The following ZNF804A variants were observed in gnomAD, a reference collection of about 807,000 sequenced individuals.
The protein encoded by ZNF804A is zinc finger protein 804A.
Under a neutral mutation model 16.5 loss-of-function variants are expected in ZNF804A, and 2 were observed. That is an observed-to-expected ratio of 0.12 (90% CI 0.05 to 0.38). ZNF804A has a LOEUF of 0.38. ZNF804A is among the 10% of genes least tolerant of loss of function. The probability of loss-of-function intolerance (pLI) is 0.99; values close to 1 mark genes in which losing one functional copy is unlikely to be tolerated. For synonymous variants in ZNF804A, 534 were observed against 489.6 expected, an observed-to-expected ratio of 1.09 and a Z score of -1.20; for missense variants, 1,473 against 1,390.7, an observed-to-expected ratio of 1.06 and a Z score of -0.94.
At chr2:184,634,151 G>T (rs1691657159) in intron 1 of ZNF804A, among the ~76,000 whole-genome samples, 2 of 152,224 alleles carry the variant, frequency 1.3e-5, no homozygotes, top group South Asian at 4.1e-4. Flanking sequence ...ATTGCTTACA[G>T]AATCACATAG....
chr2:184,604,891 AAT>A (rs1691117509), intron 1 of ZNF804A, among the ~76,000 whole-genome samples: 1 of 152,196 alleles, frequency 6.6e-6, no homozygotes, highest in South Asian at 2.1e-4. Context: ...CATAATAAGA[AAT>A]ATACAGGGAT....
intron 1 of ZNF804A, among the ~76,000 whole-genome samples, chr2:184,646,199 G>A (rs949839971): frequency 1.3e-5 from 2 of 152,172 alleles, no homozygotes; most frequent in Non-Finnish European, 2.9e-5. Context: ...ATCTGGAGTG[G>A]GGTAAGGGCT....
chr2:184,708,316 C>CA (rs1469294930), intron 1 of ZNF804A, among the ~76,000 whole-genome samples: 2 of 151,482 alleles, frequency 1.3e-5, no homozygotes, highest in South Asian at 2.1e-4. Flanking sequence ...CTTTTTAGGA[C>CA]AAAAAAAGAG....
intron 1 of ZNF804A, among the ~76,000 whole-genome samples, chr2:184,797,714 T>C (rs943540130): frequency 3.9e-5 from 6 of 152,174 alleles, no homozygotes; most frequent in Admixed American, 2.6e-4. Flanking sequence ...TGAGGTACTG[T>C]TGCATTCATC....
chr2:184,933,987 T>C lies in ZNF804A; in HGVS notation c.386+254T>C, dbSNP rs535885055. On this transcript the variant is annotated intron_variant, in intron 3 of 3. Transcript: ENST00000302277. The stretch of plus-strand genomic sequence containing the variant: ...TAAAAAATAAACTTTATGTTATTAT[T>C]TAAGTTATCTTAGTTGAAAGCTACC... 4.6e-5 allele frequency among the ~76,000 whole-genome samples: 7 copies of C among 152,246 alleles called. No individual in the cohort carries two copies. In the East Asian group the frequency reaches 1.4e-3, roughly 29 times the overall value.
At chr2:184,667,856 G>T (rs1006377554) in intron 1 of ZNF804A, among the ~76,000 whole-genome samples, 6 of 151,706 alleles carry the variant, frequency 4.0e-5, no homozygotes, top group Non-Finnish European at 7.4e-5. Flanking sequence ...ATCATATAAT[G>T]TATCTAACCA....
At chr2:184,832,724 C>T (rs1375507620) in intron 1 of ZNF804A, among the ~76,000 whole-genome samples, 1 of 151,840 alleles carries the variant, frequency 6.6e-6, no homozygotes, top group East Asian at 1.9e-4. Context: ...AATGCTCTTA[C>T]ATATACATAA....
At chr2:184,728,062 C>T (rs1181816474) in intron 1 of ZNF804A, among the ~76,000 whole-genome samples, 1 of 151,490 alleles carries the variant, frequency 6.6e-6, no homozygotes, top group Non-Finnish European at 1.5e-5. Context: ...TGACCCATAC[C>T]TAAAAATATA....
intron 1 of ZNF804A, among the ~76,000 whole-genome samples, chr2:184,659,838 C>T (rs1692139910): frequency 2.0e-5 from 3 of 152,078 alleles, no homozygotes; most frequent in South Asian, 2.1e-4. Context: ...AGTGTAAGTA[C>T]GAAGCACCTT....
chr2:184,867,344 A>G (rs1209504086), intron 2 of ZNF804A, among the ~76,000 whole-genome samples: 1 of 152,132 alleles, frequency 6.6e-6, no homozygotes, highest in Non-Finnish European at 1.5e-5. Flanking sequence ...TCATTTTGAT[A>G]TGAATTTAAA....
intron 1 of ZNF804A, among the ~76,000 whole-genome samples, chr2:184,815,034 T>C (rs1262149273): frequency 2.0e-5 from 3 of 152,036 alleles, no homozygotes; most frequent in African/African-American, 7.2e-5. Context: ...TTAAAGTTAT[T>C]CTTGAGGAAG....
chr2:184,680,199 G>A (rs1352161728), intron 1 of ZNF804A, among the ~76,000 whole-genome samples: 1 of 151,378 alleles, frequency 6.6e-6, no homozygotes, highest in African/African-American at 2.4e-5. Context: ...TCTTCTGTCT[G>A]ACAAGAGCTG....
intron 1 of ZNF804A, among the ~76,000 whole-genome samples, chr2:184,851,359 C>A (rs775855824): frequency 9.9e-5 from 15 of 151,732 alleles, no homozygotes; most frequent in Non-Finnish European, 1.5e-4. Context: ...ACCCCTATAC[C>A]CTGGGAACCA....
At chr2:184,850,868 G>A (rs1695591349) in intron 1 of ZNF804A, among the ~76,000 whole-genome samples, 1 of 151,596 alleles carries the variant, frequency 6.6e-6, no homozygotes, top group Non-Finnish European at 1.5e-5. Context: ...GAAATGCAAG[G>A]ATGTATGTGA....
chr2:184,754,725 A>G (rs1167129112), intron 1 of ZNF804A, among the ~76,000 whole-genome samples: 3 of 151,692 alleles, frequency 2.0e-5, no homozygotes, highest in African/African-American at 7.3e-5. Flanking sequence ...TTCTTTCTCT[A>G]GTACAGTGTG....
chr2:184,825,912 C>G (rs980222091), intron 1 of ZNF804A, among the ~76,000 whole-genome samples: 1 of 151,840 alleles, frequency 6.6e-6, no homozygotes, highest in Non-Finnish European at 1.5e-5. Context: ...CACTCTGTCA[C>G]CCAGGCTGGA....
chr2:184,720,798 A>G (rs1243549866), intron 1 of ZNF804A, among the ~76,000 whole-genome samples: 1 of 152,212 alleles, frequency 6.6e-6, no homozygotes, highest in Non-Finnish European at 1.5e-5. Context: ...TCAAATAGCC[A>G]AAGCAATCCT....
chr2:184,771,679 A>G (rs1694217090), intron 1 of ZNF804A, among the ~76,000 whole-genome samples: 1 of 152,000 alleles, frequency 6.6e-6, no homozygotes, highest in African/African-American at 2.4e-5. Flanking sequence ...AGATCACTTC[A>G]GTTGGCAGAA....
At chr2:184,888,758 A>C (rs1487309253) in intron 2 of ZNF804A, among the ~76,000 whole-genome samples, 1 of 152,148 alleles carries the variant, frequency 6.6e-6, no homozygotes, top group African/African-American at 2.4e-5. Flanking sequence ...AGGCATAAAA[A>C]AGAAGAAAAA....
Sources: gnomAD v4.1 joint callset for allele counts (sites outside exome capture counted in the v4.1 genomes callset) on GRCh38, gnomAD v4.1.1 for gene constraint, MANE v1.5 for transcripts, NCBI Gene and HGNC (gene_info 2026-07-23, HGNC 2026-07-21) for gene names.